KCNQ1OT1: variants seen among roughly 807,000 people sequenced by gnomAD.
KCNQ1OT1 encodes the protein KCNQ1 antisense RNA 2 (non-protein coding).
In KCNQ1OT1 at chr11:2,654,534, T is replaced by C. The variant is rs1849807765; in HGVS notation, n.45461A>G. On this transcript the variant is annotated non_coding_transcript_exon_variant, in exon 1 of 1. Transcript: ENST00000597346. The surrounding 1 kb of genome is among the most constrained non-coding windows in gnomAD (Gnocchi z 6.4). The stretch of plus-strand genomic sequence containing the variant: ...CCTGGAAAGCTTGTGGAAGAGGGCT[T>C]GGGTTACACCTGGGAGATTAGGCCG... 7 of 398,484 alleles carry C rather than the reference T, an allele frequency of 1.8e-5. No homozygotes were observed. Among genetic ancestry groups the C allele is most frequent in the Non-Finnish European group, 3.1e-5 (7 of 226,196 alleles). The allele number at this position is 398,484 out of a possible 1,614,324, so 24.7% of individuals were successfully genotyped here.
chr11:2,629,589 T>C (rs1459509861), exon 1 of KCNQ1OT1: 3 of 398,408 alleles, frequency 7.5e-6, no homozygotes, highest in African/African-American at 6.2e-5. Context: ...GAAAAGAGAA[T>C]CCATTTGCCA....
chr11:2,698,476 G>T lies in KCNQ1OT1; in HGVS notation n.1519C>A, dbSNP rs1850715282. The T allele has an allele frequency of 2.5e-6, 1 of 398,428 alleles. No individual in the cohort carries two copies. Among genetic ancestry groups the T allele is most frequent in the South Asian group, 1.3e-4 (1 of 7,824 alleles). 24.7% of individuals were successfully genotyped at this position (398,428 alleles called of 1,614,324 possible). A position where few individuals can be genotyped will look rare whatever the true frequency, so the allele number is the denominator to read the frequency against. On this transcript the variant is annotated non_coding_transcript_exon_variant, in exon 1 of 1. Transcript: ENST00000597346. This position sits in a 1 kb window ranked among gnomAD's most constrained non-coding sequence, Gnocchi z 5.1. ...TCTGATCAACTCTCATCTCCAATAT[G>T]ACCAAGAGACTTCTACCACTACCTC...
exon 1 of KCNQ1OT1, chr11:2,696,919 C>T: frequency 2.5e-6 from 1 of 398,386 alleles, no homozygotes; most frequent in South Asian, 1.3e-4. Flanking sequence ...GATCTTATAT[C>T]CAAAACCTCT....
exon 1 of KCNQ1OT1, chr11:2,665,683 C>T: frequency 2.5e-6 from 1 of 398,136 alleles, no homozygotes; most frequent in Non-Finnish European, 4.4e-6. Flanking sequence ...TCGAATGGTG[C>T]CAGGAGGGAG....
At position 2,645,662 on chromosome 11, in the gene KCNQ1OT1, G is replaced by A. The variant is rs970455723; in HGVS notation, n.54333C>T. On this transcript the variant is annotated non_coding_transcript_exon_variant, in exon 1 of 1. Coordinates refer to ENST00000597346, the Ensembl canonical transcript of KCNQ1OT1. The surrounding 1 kb of genome is among the most constrained non-coding windows in gnomAD (Gnocchi z 5.8). Reference sequence around the variant, plus strand: ...GCAGCCTTGCTTCGGAGGTAGCAGAGTATTGCCAATGGCTCATGCTTTGGC... The same window carrying A: ...GCAGCCTTGCTTCGGAGGTAGCAGAATATTGCCAATGGCTCATGCTTTGGC... The A allele has an allele frequency of 1.0e-5, 4 of 398,646 alleles. No individual in the cohort carries two copies. Among genetic ancestry groups the A allele is most frequent in the African/African-American group, 8.2e-5 (4 of 48,624 alleles). 24.7% of individuals were successfully genotyped at this position (398,646 alleles called of 1,614,324 possible).
rs994401725 is a variant in KCNQ1OT1, at chr11:2,653,789, C to G, written n.46206G>C. ...GTACAAGCCATCCTTGGACCTGCAGCTGTACCTCCGATGGCTGAGGCAAGG... is the reference window on the plus strand; with the variant it reads ...GTACAAGCCATCCTTGGACCTGCAGGTGTACCTCCGATGGCTGAGGCAAGG... On this transcript the variant is annotated non_coding_transcript_exon_variant, in exon 1 of 1. Coordinates refer to ENST00000597346, the Ensembl canonical transcript of KCNQ1OT1. The surrounding 1 kb of genome is among the most constrained non-coding windows in gnomAD (Gnocchi z 5.3). 1 of 398,562 alleles carries G rather than the reference C, an allele frequency of 2.5e-6. No homozygotes were observed. Among genetic ancestry groups the G allele is most frequent in the Non-Finnish European group, 4.4e-6 (1 of 226,104 alleles). The allele number at this position is 398,562 out of a possible 1,614,324, so 24.7% of individuals were successfully genotyped here. A position where few individuals can be genotyped will look rare whatever the true frequency, so the allele number is the denominator to read the frequency against.
chr11:2,666,945 C>T (rs568378423), exon 1 of KCNQ1OT1: 142 of 398,750 alleles, frequency 3.6e-4, no homozygotes, highest in African/African-American at 2.1e-3. Context: ...TCTGTCTGCA[C>T]GAGATGCCAA....
In KCNQ1OT1 at chr11:2,691,226, G is replaced by A. The variant is rs1036227265; in HGVS notation, n.8769C>T. ...AAATTAGCAAGTGGAGGAGTTAGAG[G>A]ATCTGCAGTTAACCCCTTGAGTCTC... On this transcript the variant is annotated non_coding_transcript_exon_variant, in exon 1 of 1. Transcript: ENST00000597346. This position sits in a 1 kb window ranked among gnomAD's most constrained non-coding sequence, Gnocchi z 6.4. 4 of 398,632 alleles carry A rather than the reference G, an allele frequency of 1.0e-5. No individual in the cohort carries two copies. Among genetic ancestry groups the A allele is most frequent in the Middle Eastern group, 6.3e-4 (1 of 1,588 alleles). The allele number at this position is 398,632 out of a possible 1,614,324, so 24.7% of individuals were successfully genotyped here.
chr11:2,666,409 C>T, exon 1 of KCNQ1OT1: 1 of 398,692 alleles, frequency 2.5e-6, no homozygotes, highest in Non-Finnish European at 4.4e-6. Context: ...GCAAAAACAG[C>T]CCCGTGTGCG....
At chr11:2,699,549 C>G (rs1421308068) in exon 1 of KCNQ1OT1, 1 of 330,048 alleles carries the variant, frequency 3.0e-6, no homozygotes, top group East Asian at 5.1e-5. Context: ...CAGGGAGGAC[C>G]GCGCGGAGGA....
chr11:2,686,261 A>G (rs1590031920), exon 1 of KCNQ1OT1: 1 of 398,492 alleles, frequency 2.5e-6, no homozygotes, highest in Admixed American at 4.4e-5. Flanking sequence ...AATGTCTGCC[A>G]CCCCAGTACT....
exon 1 of KCNQ1OT1, chr11:2,685,175 A>G (rs1163805176): frequency 2.5e-6 from 1 of 398,650 alleles, no homozygotes; most frequent in East Asian, 3.6e-5. Context: ...CCCCATCTGC[A>G]TGGAATGCCC....
chr11:2,699,102 C>A (rs1028251946), exon 1 of KCNQ1OT1: 1 of 398,648 alleles, frequency 2.5e-6, no homozygotes, highest in Non-Finnish European at 4.4e-6. Flanking sequence ...CCCAATAGCG[C>A]GGACTCAGAA....
In KCNQ1OT1 at chr11:2,620,214, T is replaced by TTTTTTTTTA; in HGVS notation, n.79780_79781insTAAAAAAAA. 3.7e-6 allele frequency: 1 copy of TTTTTTTTTA among 273,768 alleles called. No individual in the cohort carries two copies. The highest frequency in any genetic ancestry group is 6.5e-6 in the Non-Finnish European group (1 of 154,010). 17.0% of individuals were successfully genotyped at this position (273,768 alleles called of 1,614,324 possible). On this transcript the variant is annotated non_coding_transcript_exon_variant, in exon 1 of 1. Transcript: ENST00000597346. The surrounding 1 kb of genome is among the most constrained non-coding windows in gnomAD (Gnocchi z 4.5). ...GTTCATTCATGTATATATATATATT[T>TTTTTTTTTA]TTTTTTTTTATTTTTTTTTTAGACG...
exon 1 of KCNQ1OT1, chr11:2,615,392 T>G (rs1156248572): frequency 2.5e-6 from 1 of 397,978 alleles, no homozygotes; most frequent in African/African-American, 2.1e-5. Context: ...TTTACCTGTT[T>G]GTTTATTTAT....
At position 2,659,356 on chromosome 11, in the gene KCNQ1OT1, T is replaced by C. The variant is rs1282890098; in HGVS notation, n.40639A>G. ...GTCCTATAAATGGGATCCTATAATA[T>C]GTATTCTTTTGCATCTGGCTTCTTT... On this transcript the variant is annotated non_coding_transcript_exon_variant, in exon 1 of 1. Coordinates refer to ENST00000597346, the Ensembl canonical transcript of KCNQ1OT1. The surrounding 1 kb of genome is among the most constrained non-coding windows in gnomAD (Gnocchi z 4.3). 5.0e-6 allele frequency: 2 copies of C among 398,528 alleles called. No individual in the cohort carries two copies. Among genetic ancestry groups the C allele is most frequent in the African/African-American group, 2.1e-5 (1 of 48,658 alleles). The allele number at this position is 398,528 out of a possible 1,614,324, so 24.7% of individuals were successfully genotyped here. A position where few individuals can be genotyped will look rare whatever the true frequency, so the allele number is the denominator to read the frequency against.
At chr11:2,696,792 G>T (rs760590096) in exon 1 of KCNQ1OT1, 12 of 398,322 alleles carry the variant, frequency 3.0e-5, no homozygotes, top group Non-Finnish European at 4.4e-5. Flanking sequence ...TCCTAGACTG[G>T]TATAAATTTT....
exon 1 of KCNQ1OT1, chr11:2,646,697 G>A (rs1336320051): frequency 2.5e-6 from 1 of 398,384 alleles, no homozygotes; most frequent in East Asian, 3.6e-5. Context: ...GCTCATTTTT[G>A]TACTGATGAG....
chr11:2,609,054 GT>G, exon 1 of KCNQ1OT1: 1 of 397,746 alleles, frequency 2.5e-6, no homozygotes. Context: ...TTATTATTTT[GT>G]TTTTTCTACT....
Sources: allele counts gnomAD v4.1 joint callset, GRCh38; gene constraint gnomAD v4.1.1; non-coding constraint Gnocchi (gnomAD v3.1); transcripts MANE v1.5; gene names NCBI Gene and HGNC (gene_info 2026-07-23, HGNC 2026-07-21).